CAV1: variants seen among roughly 807,000 people sequenced by gnomAD.
The protein encoded by CAV1 is caveolin 1.
Under a neutral mutation model 16.5 loss-of-function variants are expected in CAV1, and 10 were observed. The observed-to-expected ratio is 0.61, with a 90% CI of 0.37 to 1.03. The LOEUF (loss-of-function observed/expected upper bound fraction) is 1.03, where lower values mean the gene tolerates loss of function less well. CAV1 is among the 50% of genes least tolerant of loss of function. The pLI, the probability that CAV1 is intolerant of heterozygous loss-of-function variation, is 0.01. For synonymous variants in CAV1, 76 were observed against 85.1 expected (o/e 0.89, Z 0.59); for missense variants, 212 against 232.8 (o/e 0.91, Z 0.58).
chr7:116,533,599 G>A (rs1275321507), intron 2 of CAV1, among the ~76,000 whole-genome samples: 1 of 152,100 alleles, frequency 6.6e-6, no homozygotes, highest in African/African-American at 2.4e-5. Flanking sequence ...CCACAGGGAT[G>A]TGCCACAATT....
At chr7:116,555,197 C>G (rs931956869) in intron 2 of CAV1, among the ~76,000 whole-genome samples, 1 of 151,988 alleles carries the variant, frequency 6.6e-6, no homozygotes, top group East Asian at 1.9e-4. Context: ...AATCCCAACA[C>G]TTTGGGAGGC....
chr7:116,548,506 G>A (rs1794097378), intron 2 of CAV1, among the ~76,000 whole-genome samples: 1 of 152,202 alleles, frequency 6.6e-6, no homozygotes, highest in African/African-American at 2.4e-5. Flanking sequence ...TTCCTTGGTG[G>A]AAATGGTTAT....
intron 2 of CAV1, among the ~76,000 whole-genome samples, chr7:116,556,172 A>T (rs746696354): frequency 6.6e-6 from 1 of 152,190 alleles, no homozygotes; most frequent in Non-Finnish European, 1.5e-5. Flanking sequence ...AGAATCTCCT[A>T]TGTATTCATT....
At chr7:116,539,674 T>A (rs1793897748) in intron 2 of CAV1, among the ~76,000 whole-genome samples, 1 of 152,114 alleles carries the variant, frequency 6.6e-6, no homozygotes, top group African/African-American at 2.4e-5. Flanking sequence ...TTTTTTTAAG[T>A]CTCCAGGTTG....
At chr7:116,558,787 A>G (rs1459459395) in intron 2 of CAV1, among the ~76,000 whole-genome samples, 159 bp from the exon 3 acceptor site, 8 of 152,116 alleles carry the variant, frequency 5.3e-5, no homozygotes, top group Non-Finnish European at 1.0e-4. Context: ...TGTGTTCCCA[A>G]GTTCCAAGTG....
chr7:116,553,193 C>T (rs895643067), intron 2 of CAV1, among the ~76,000 whole-genome samples: 10 of 152,088 alleles, frequency 6.6e-5, no homozygotes, highest in African/African-American at 9.7e-5. Flanking sequence ...TTTAAAAATC[C>T]TGTGCACATG....
At chr7:116,536,918 G>C (rs2115992600) in intron 2 of CAV1, among the ~76,000 whole-genome samples, 1 of 150,734 alleles carries the variant, frequency 6.6e-6, no homozygotes, top group South Asian at 2.1e-4. Flanking sequence ...CAGGAGAATG[G>C]CGTGAACCCA....
chr7:116,534,370 T>TATAG (rs1793751415), intron 2 of CAV1, among the ~76,000 whole-genome samples: 1 of 15,052 alleles, frequency 6.6e-5, no homozygotes, highest in East Asian at 9.4e-3. Context: ...CAGATATATA[T>TATAG]ATATATATAT....
Position 116,559,476 on chromosome 7 carries a change from G to T in CAV1, c.*189G>T. 1.6e-6 allele frequency: 1 copy of T among 608,490 alleles called. No homozygotes were observed. The highest frequency in any genetic ancestry group is 2.9e-6 in the Non-Finnish European group (1 of 347,280). The allele number at this position is 608,490 out of a possible 1,614,324, so 37.7% of individuals were successfully genotyped here. ...TTCTGAGCTATTTCATCTATTTTTG[G>T]CAGTCTGAATTTTTAAAACCCATTT... On this transcript the variant is annotated 3_prime_UTR_variant, in exon 3 of 3. Coordinates refer to ENST00000341049, the MANE Select transcript of CAV1 (RefSeq NM_001753.5).
At chr7:116,557,250 T>C (rs1272249271) in intron 2 of CAV1, among the ~76,000 whole-genome samples, 2 of 152,240 alleles carry the variant, frequency 1.3e-5, no homozygotes, top group Non-Finnish European at 2.9e-5. Flanking sequence ...AACAGAATGT[T>C]CTACAAAATA....
chr7:116,542,223 C>A (rs927400975), intron 2 of CAV1, among the ~76,000 whole-genome samples: 1 of 152,224 alleles, frequency 6.6e-6, no homozygotes, highest in Admixed American at 6.5e-5. Flanking sequence ...CTTGTATAAA[C>A]CCCTATTGTG....
intron 2 of CAV1, among the ~76,000 whole-genome samples, chr7:116,555,598 A>AGGGAGGGAGGGAGGG (rs1794274972): frequency 1.0e-5 from 1 of 100,176 alleles, no homozygotes; most frequent in African/African-American, 3.8e-5. Context: ...GAAAGAAAGA[A>AGGGAGGGAGGGAGGG]AGAAAGAGAA....
At chr7:116,527,435 G>A (rs546940305) in intron 2 of CAV1, among the ~76,000 whole-genome samples, 1 of 152,180 alleles carries the variant, frequency 6.6e-6, no homozygotes, top group African/African-American at 2.4e-5. Context: ...GCACATTCAG[G>A]TTGGAGTTCC....
At chr7:116,525,941 G>C (rs1034230351) in intron 1 of CAV1, 6 of 632,704 alleles carry the variant, frequency 9.5e-6, no homozygotes, top group South Asian at 6.8e-5. Context: ...GAGGCAGGGT[G>C]GGGGGCGCGG....
intron 2 of CAV1, among the ~76,000 whole-genome samples, chr7:116,555,629 G>A (rs1371185039): frequency 7.0e-6 from 1 of 143,818 alleles, no homozygotes; most frequent in African/African-American, 2.6e-5. Context: ...AAGGGAGGGA[G>A]GGAGGGAGAG....
intron 2 of CAV1, among the ~76,000 whole-genome samples, chr7:116,550,912 C>T (rs1458121196): frequency 1.3e-5 from 2 of 152,128 alleles, no homozygotes; most frequent in African/African-American, 4.8e-5. Flanking sequence ...TTAGCAAAAG[C>T]CTCTCAAAAA....
chr7:116,553,044 A>C (rs1039270698), intron 2 of CAV1, among the ~76,000 whole-genome samples: 9 of 152,210 alleles, frequency 5.9e-5, no homozygotes, highest in African/African-American at 2.2e-4. Context: ...ATAACAGTCT[A>C]AAAAGATATT....
intron 2 of CAV1, among the ~76,000 whole-genome samples, chr7:116,535,745 TC>T (rs1793797998): frequency 6.6e-6 from 1 of 152,214 alleles, no homozygotes; most frequent in Non-Finnish European, 1.5e-5. Context: ...ATGAAATACA[TC>T]TTGTTTTCTT....
intron 1 of CAV1, chr7:116,525,644 G>A: frequency 9.1e-7 from 1 of 1,102,784 alleles, no homozygotes; most frequent in South Asian, 2.6e-5. Flanking sequence ...TCCGAGAGAG[G>A]TAGACCTCCC....
Sources: allele counts gnomAD v4.1 joint callset (sites outside exome capture counted in the v4.1 genomes callset), GRCh38; gene constraint gnomAD v4.1.1; transcripts MANE v1.5; gene names NCBI Gene and HGNC (gene_info 2026-07-23, HGNC 2026-07-21).